The following NINL variants were observed in gnomAD, a reference collection of about 807,000 sequenced individuals.
NINL encodes the protein ninein like.
Under a neutral mutation model 160.3 loss-of-function variants are expected in NINL, and 153 were observed. That is an observed-to-expected ratio of 0.95 (90% CI 0.84 to 1.09). The LOEUF (loss-of-function observed/expected upper bound fraction) is 1.09, where lower values mean the gene tolerates loss of function less well. Among genes scored for constraint, NINL ranks in the 50% least tolerant of loss-of-function variants. NINL has a pLI of 0.00. For missense variants in NINL, 1,829 were observed against 1,764.0 expected (o/e 1.04, Z -0.66); for synonymous variants, 800 against 734.8 (o/e 1.09, Z -1.43).
chr20:25,584,620 T>C (rs555038049), intron 1 of NINL, among the ~76,000 whole-genome samples: 7 of 152,360 alleles, frequency 4.6e-5, no homozygotes, highest in Non-Finnish European at 7.3e-5. Context: ...TGAAAATCAC[T>C]TGCCCTTCTC....
At chr20:25,574,099 A>G (rs1057072697) in intron 1 of NINL, among the ~76,000 whole-genome samples, 6 of 152,238 alleles carry the variant, frequency 3.9e-5, no homozygotes, top group African/African-American at 7.2e-5. Context: ...CTGTTTGCCT[A>G]AAGTGTATCT....
At chr20:25,525,925 C>T (rs1397562371) in intron 2 of NINL, among the ~76,000 whole-genome samples, 1 of 152,164 alleles carries the variant, frequency 6.6e-6, no homozygotes, top group Non-Finnish European at 1.5e-5. Flanking sequence ...TTATGGGATA[C>T]TTTTGGACAT....
In NINL at chr20:25,570,492, T is replaced by C. The variant is rs534011852; in HGVS notation, c.-12+14963A>G. 2.6e-3 allele frequency among the ~76,000 whole-genome samples: 401 copies of C among 152,210 alleles called. 2 individuals carry two copies. Among genetic ancestry groups the C allele is most frequent in the African/African-American group, 9.2e-3 (383 of 41,542 alleles). On this transcript the variant is annotated intron_variant, in intron 1 of 23. Transcript: ENST00000278886. ...ACTCCCCACTCGCCTTCCGCCATGA[T>C]TGGAAGCTCCCTGAGGCCTCCCCAG... is the stretch of plus-strand genomic sequence containing the variant.
At chr20:25,458,897 A>C in intron 21 of NINL, 1 of 211,184 alleles carries the variant, frequency 4.7e-6, no homozygotes, top group Non-Finnish European at 9.4e-6. Flanking sequence ...CGGAGACCTC[A>C]CTCTGCAACA....
At chr20:25,460,676 G>A (rs1052265770) in intron 21 of NINL, among the ~76,000 whole-genome samples, 4 of 152,148 alleles carry the variant, frequency 2.6e-5, no homozygotes, top group African/African-American at 4.8e-5. Flanking sequence ...CCCCAACAGC[G>A]CCTCAGAAAG....
chr20:25,567,786 G>A (rs767446596), intron 1 of NINL, among the ~76,000 whole-genome samples: 2 of 151,910 alleles, frequency 1.3e-5, no homozygotes, highest in African/African-American at 2.4e-5. Context: ...AGATGCAACC[G>A]AAAATCTCCA....
rs1467425127 is a variant in NINL, at chr20:25,456,890, C to T, written c.3844-1104G>A. ...GAGGCTGCAGTGAGCCGAGATCGCA[C>T]CATTGCACTCCAGCCTGGGTGACAG... On this transcript the variant is annotated intron_variant, in intron 22 of 23. Coordinates refer to ENST00000278886, the MANE Select transcript of NINL (RefSeq NM_025176.6). Among the ~76,000 whole-genome samples, 9 of 151,996 alleles carry T rather than the reference C, an allele frequency of 5.9e-5. 1 individual carries two copies. Among genetic ancestry groups the T allele is most frequent in the Admixed American group, 5.9e-4 (9 of 15,256 alleles).
At chr20:25,517,338 C>T (rs2064179553) in intron 3 of NINL, among the ~76,000 whole-genome samples, 1 of 152,216 alleles carries the variant, frequency 6.6e-6, no homozygotes, top group Non-Finnish European at 1.5e-5. Flanking sequence ...TACCTCACCA[C>T]TCCAGGCCTG....
chr20:25,504,164 C>A, intron 6 of NINL, 60 bp from the exon 7 acceptor site: 3 of 1,500,296 alleles, frequency 2.0e-6, no homozygotes, highest in Non-Finnish European at 2.7e-6. Flanking sequence ...ACCGCCCTCA[C>A]CAGGGCCTCC....
intron 1 of NINL, among the ~76,000 whole-genome samples, chr20:25,527,056 A>C (rs1393580808): frequency 6.6e-6 from 1 of 152,238 alleles, no homozygotes; most frequent in Admixed American, 6.5e-5. Flanking sequence ...TAGAATAATT[A>C]GAAAATAGAG....
At chr20:25,490,012 C>T (rs370552109) in intron 11 of NINL, 27 bp from the exon 12 acceptor site, 36 of 1,577,892 alleles carry the variant, frequency 2.3e-5, no homozygotes, top group Non-Finnish European at 3.1e-5. Context: ...AGTGGCTCAT[C>T]AGGCTCCTGC....
chr20:25,517,246 AC>A (rs1813765537), intron 3 of NINL, among the ~76,000 whole-genome samples: 1 of 151,238 alleles, frequency 6.6e-6, no homozygotes, highest in Admixed American at 6.6e-5. Flanking sequence ...CAAACACAAC[AC>A]CCCTGCAAAA....
intron 13 of NINL, among the ~76,000 whole-genome samples, chr20:25,484,014 A>T (rs1220128902): frequency 6.6e-6 from 1 of 152,174 alleles, no homozygotes; most frequent in Non-Finnish European, 1.5e-5. Flanking sequence ...GCTCTGGGGC[A>T]GCTGCCGCCA....
At chr20:25,578,605 A>T (rs2065141393) in intron 1 of NINL, among the ~76,000 whole-genome samples, 1 of 151,868 alleles carries the variant, frequency 6.6e-6, no homozygotes, top group Non-Finnish European at 1.5e-5. Context: ...CATCCTGGCT[A>T]ACACGGTGAA....
rs148734140 is a variant in NINL at position 25,479,024 on chromosome 20, T to C, written c.2100A>G (p.Thr700=). Reference sequence around the variant, plus strand: ...TCTGCTCAGGCTCGGGGCCGCGGGCTGTGTCCTGCAGCTGCTCCTGCAGGC... The same window carrying C: ...TCTGCTCAGGCTCGGGGCCGCGGGCCGTGTCCTGCAGCTGCTCCTGCAGGC... ...IWGLQEQLQD[T]ARGPEPEQMG... is the part of the protein sequence containing the mutation. The change falls in exon 16 of 24, where the codon ACA becomes ACG. Residue 700 remains threonine (T), a synonymous_variant. Transcript: ENST00000278886. The C allele has an allele frequency of 2.6e-3, 4,155 of 1,610,352 alleles. 7 individuals carry two copies. Among genetic ancestry groups the C allele is most frequent in the Non-Finnish European group, 3.2e-3 (3,818 of 1,179,932 alleles).
chr20:25,483,632 G>A (rs537226980), intron 13 of NINL, among the ~76,000 whole-genome samples: 1 of 152,278 alleles, frequency 6.6e-6, no homozygotes, highest in Non-Finnish European at 1.5e-5. Flanking sequence ...TGGGCGGCGG[G>A]AAGGCTAGGA....
Position 25,491,477 on chromosome 20 carries a change from C to T in NINL, c.1359G>A (p.Glu453=), listed in dbSNP as rs575743917. 3 of 1,614,096 alleles carry T rather than the reference C, an allele frequency of 1.9e-6. No individual in the cohort carries two copies. Among genetic ancestry groups the T allele is most frequent in the Admixed American group, 3.3e-5 (2 of 60,000 alleles). Reference sequence around the variant, plus strand: ...AGAACAGCTCTCGCTCCGCCTCCACCTCAGACCGCAGGAGGCTCAGCCTTT... The same window carrying T: ...AGAACAGCTCTCGCTCCGCCTCCACTTCAGACCGCAGGAGGCTCAGCCTTT... ...YRERLSLLRS[E]VEAERELFWE... Residue 453 remains glutamate (E), a synonymous_variant, in exon 11 of 24, where the codon GAG becomes GAA. Coordinates refer to ENST00000278886, the MANE Select transcript of NINL (RefSeq NM_025176.6).
chr20:25,501,100 G>C lies in NINL; in HGVS notation c.862-90C>G. The stretch of plus-strand genomic sequence containing the variant: ...GTGCTCTCCACCCTCCCCAGCCTGT[G>C]CTCAGAGGGCCTCACAGGAACAGCT... On this transcript the variant is annotated intron_variant, in intron 7 of 23. Coordinates refer to ENST00000278886, the MANE Select transcript of NINL (RefSeq NM_025176.6). 3 of 1,470,544 alleles carry C rather than the reference G, an allele frequency of 2.0e-6. No individual in the cohort carries two copies. In the Admixed American group the frequency reaches 6.9e-5, roughly 34 times the overall value. The allele number at this position is 1,470,544 out of a possible 1,614,324, so 91.1% of individuals were successfully genotyped here. A position where few individuals can be genotyped will look rare whatever the true frequency, so the allele number is the denominator to read the frequency against.
At chr20:25,544,689 T>A (rs1378090802) in intron 1 of NINL, among the ~76,000 whole-genome samples, 6 of 152,110 alleles carry the variant, frequency 3.9e-5, no homozygotes, top group Non-Finnish European at 7.4e-5. Flanking sequence ...CTCAACTCCC[T>A]CCTTTTCTAC....
Sources: allele counts gnomAD v4.1 joint callset (sites outside exome capture counted in the v4.1 genomes callset), GRCh38; gene constraint gnomAD v4.1.1; transcripts MANE v1.5; gene names NCBI Gene and HGNC (gene_info 2026-07-23, HGNC 2026-07-21).